KCNQ1: variants seen among roughly 807,000 people sequenced by gnomAD.
KCNQ1 encodes the protein potassium voltage-gated channel subfamily Q member 1.
In KCNQ1, 49 loss-of-function variants were observed where a neutral mutation model predicts 72.4. The ratio of observed to expected loss-of-function variants is 0.68; its 90% confidence interval spans 0.54 to 0.86. The LOEUF is 0.86. Among genes scored for constraint, KCNQ1 ranks in the 40% least tolerant of loss-of-function variants. The probability of loss-of-function intolerance (pLI) is 0.00; values close to 1 mark genes in which losing one functional copy is unlikely to be tolerated. For synonymous variants in KCNQ1, 450 were observed against 412.6 expected (o/e 1.09, Z -1.10); for missense variants, 790 against 945.1 (o/e 0.84, Z 2.15).
At chr11:2,476,989 C>T (rs1354674444) in intron 1 of KCNQ1, among the ~76,000 whole-genome samples, 1 of 152,176 alleles carries the variant, frequency 6.6e-6, no homozygotes, top group East Asian at 1.9e-4. Context: ...GCACCCAGCC[C>T]AGTTTTTAAT....
At chr11:2,692,230 C>T (rs1459591286) in intron 11 of KCNQ1, 4 of 398,900 alleles carry the variant, frequency 1.0e-5, no homozygotes, top group Non-Finnish European at 1.3e-5. Context: ...ACCACCTGCC[C>T]ATCACCTCAA....
chr11:2,831,347 G>A lies in KCNQ1; in HGVS notation c.1795-16420G>A, dbSNP rs553659086. Among the ~76,000 whole-genome samples the A allele has an allele frequency of 2.4e-4, 36 of 152,230 alleles. 1 individual carries two copies. In the South Asian group the frequency reaches 6.4e-3, roughly 27 times the overall value. On this transcript the variant is annotated intron_variant, in intron 15 of 15. Transcript: ENST00000155840. The stretch of plus-strand genomic sequence containing the variant: ...ATCAGGGGGTGCTTGGACCAGTGGC[G>A]GCTGGAAATAACCCATGAACAGGGG...
At chr11:2,753,987 A>G (rs763393963) in intron 11 of KCNQ1, among the ~76,000 whole-genome samples, 1 of 152,246 alleles carries the variant, frequency 6.6e-6, no homozygotes, top group Non-Finnish European at 1.5e-5. Flanking sequence ...GACCCAATTA[A>G]AAAATGGGCA....
rs925832188 is a variant in KCNQ1 at position 2,664,907 on chromosome 11, C to G, written c.1514+2826C>G. The G allele has an allele frequency of 2.5e-6, 1 of 398,528 alleles. No individual in the cohort carries two copies. Among genetic ancestry groups the G allele is most frequent in the Non-Finnish European group, 4.4e-6 (1 of 226,094 alleles). 24.7% of individuals were successfully genotyped at this position (398,528 alleles called of 1,614,324 possible). On this transcript the variant is annotated intron_variant, in intron 11 of 15. Transcript: ENST00000155840. The surrounding 1 kb of genome is among the most constrained non-coding windows in gnomAD (Gnocchi z 5.1). ...ATAAAGACACATTTTGTTTCCATCT[C>G]GAGCTCTCCCCGCCCGCAGGGCCCC...
At position 2,547,410 on chromosome 11, in the gene KCNQ1, T is replaced by C. The variant is rs944875683; in HGVS notation, c.477+19392T>C. Among the ~76,000 whole-genome samples, 13 of 152,024 alleles carry C rather than the reference T, an allele frequency of 8.6e-5. No homozygotes were observed. The highest frequency in any genetic ancestry group is 1.9e-4 in the Non-Finnish European group (13 of 67,992). ...CACACCTGGCTAATTTTTTTTGTAT[T>C]ATTAGTAGAGACGGCGTTTCACCAT... On this transcript the variant is annotated intron_variant, in intron 2 of 15. Transcript: ENST00000155840. This position sits in a 1 kb window ranked among gnomAD's most constrained non-coding sequence, Gnocchi z 4.2.
At chr11:2,589,398 G>T (rs927800560) in intron 10 of KCNQ1, among the ~76,000 whole-genome samples, 1 of 152,240 alleles carries the variant, frequency 6.6e-6, no homozygotes, top group Non-Finnish European at 1.5e-5. Flanking sequence ...CCCTGCAGCG[G>T]GGGCTGGGAT....
chr11:2,513,162 G>T (rs554953891), intron 1 of KCNQ1, among the ~76,000 whole-genome samples: 1 of 152,260 alleles, frequency 6.6e-6, no homozygotes, highest in East Asian at 1.9e-4. Context: ...TGATGTGAGT[G>T]CAGGGACTCC....
chr11:2,725,555 C>T lies in KCNQ1; in HGVS notation c.1515-43289C>T, dbSNP rs769917545. ...TTTAGGAAGTGCATTCACGTGAAGT[C>T]GCCAAGTTCAAAGGGCTGCCCCTGG... On this transcript the variant is annotated intron_variant, in intron 11 of 15. Transcript: ENST00000155840. The surrounding 1 kb of genome is among the most constrained non-coding windows in gnomAD (Gnocchi z 7.2). 6.2e-4 allele frequency among the ~76,000 whole-genome samples: 95 copies of T among 152,312 alleles called. No homozygotes were observed. Among genetic ancestry groups the T allele is most frequent in the African/African-American group, 1.9e-3 (79 of 41,568 alleles).
chr11:2,822,232 G>A (rs934498470), intron 15 of KCNQ1, among the ~76,000 whole-genome samples: 39 of 152,288 alleles, frequency 2.6e-4, no homozygotes, highest in African/African-American at 3.9e-4. Flanking sequence ...TTGTTAGCCC[G>A]GTGAGACTCC....
At chr11:2,732,501 C>T (rs1845872484) in intron 11 of KCNQ1, among the ~76,000 whole-genome samples, 1 of 152,210 alleles carries the variant, frequency 6.6e-6, no homozygotes, top group African/African-American at 2.4e-5. Flanking sequence ...ACCTTCTCTC[C>T]CCGTGCCAAG....
intron 11 of KCNQ1, chr11:2,684,977 T>C: frequency 2.5e-6 from 1 of 398,680 alleles, no homozygotes; most frequent in Non-Finnish European, 4.4e-6. Flanking sequence ...GGCTTCCAAT[T>C]TTACGGACTG....
chr11:2,607,682 TTGTTA>T (rs1848903727), intron 10 of KCNQ1, among the ~76,000 whole-genome samples: 1 of 152,244 alleles, frequency 6.6e-6, no homozygotes, highest in South Asian at 2.1e-4. Context: ...TCGTGATACT[TTGTTA>T]TAACAGTCTG....
chr11:2,527,307 C>T (rs905212848), intron 1 of KCNQ1, among the ~76,000 whole-genome samples: 6 of 152,204 alleles, frequency 3.9e-5, no homozygotes, highest in Admixed American at 6.5e-5. Context: ...TCAGGACCCC[C>T]ACCTGGCGGG....
chr11:2,498,881 C>T lies in KCNQ1; in HGVS notation c.387-29047C>T, dbSNP rs755766414. Reference sequence around the variant, plus strand: ...CATGGGAAAAGCATAGTATCCAGGCCGGGTATCACAGTCCCGGGTATCACA... The same window carrying T: ...CATGGGAAAAGCATAGTATCCAGGCTGGGTATCACAGTCCCGGGTATCACA... On this transcript the variant is annotated intron_variant, in intron 1 of 15. Coordinates refer to ENST00000155840, the MANE Select transcript of KCNQ1 (RefSeq NM_000218.3). The surrounding 1 kb of genome is among the most constrained non-coding windows in gnomAD (Gnocchi z 4.8). Among the ~76,000 whole-genome samples, 10 of 152,222 alleles carry T rather than the reference C, an allele frequency of 6.6e-5. No individual in the cohort carries two copies. The highest frequency in any genetic ancestry group is 1.9e-4 in the East Asian group (1 of 5,198).
rs1848627642 is a variant in KCNQ1 at position 2,588,655 on chromosome 11, C to T, written c.1252-58C>T. The T allele has an allele frequency of 7.5e-6, 12 of 1,604,016 alleles. No individual in the cohort carries two copies. Among genetic ancestry groups the T allele is most frequent in the Non-Finnish European group, 8.5e-6 (10 of 1,175,500 alleles). On this transcript the variant is annotated intron_variant, in intron 9 of 15. Transcript: ENST00000155840. The surrounding 1 kb of genome is among the most constrained non-coding windows in gnomAD (Gnocchi z 5.6). ...GGCTGCACAGGCACTCTGGGGCCGG[C>T]GTAGGGCCTGGCAGACGATGTCCAG...
At chr11:2,465,979 A>G (rs926980485) in intron 1 of KCNQ1, among the ~76,000 whole-genome samples, 1 of 152,010 alleles carries the variant, frequency 6.6e-6, no homozygotes, top group South Asian at 2.1e-4. Flanking sequence ...GAGCTTGGTG[A>G]CGGCTCAGGT....
In KCNQ1 at chr11:2,713,466, T is replaced by G. The variant is rs1454015363; in HGVS notation, c.1514+51385T>G. Reference sequence around the variant, plus strand: ...AGATTCCAGAACAAGTCACAGCCATTGTAGATTTTGATTAATCGCCATCCC... The same window carrying G: ...AGATTCCAGAACAAGTCACAGCCATGGTAGATTTTGATTAATCGCCATCCC... On this transcript the variant is annotated intron_variant, in intron 11 of 15. Coordinates refer to ENST00000155840, the MANE Select transcript of KCNQ1 (RefSeq NM_000218.3). This position sits in a 1 kb window ranked among gnomAD's most constrained non-coding sequence, Gnocchi z 5.6. Among the ~76,000 whole-genome samples, 2 of 152,214 alleles carry G rather than the reference T, an allele frequency of 1.3e-5. No individual in the cohort carries two copies. The highest frequency in any genetic ancestry group is 4.8e-5 in the African/African-American group (2 of 41,456).
rs1047132908 is a variant in KCNQ1 at position 2,817,905 on chromosome 11, T to C, written c.1795-29862T>C. Among the ~76,000 whole-genome samples the C allele has an allele frequency of 2.0e-5, 3 of 152,064 alleles. No individual in the cohort carries two copies. Among genetic ancestry groups the C allele is most frequent in the Non-Finnish European group, 4.4e-5 (3 of 68,010 alleles). Reference sequence around the variant, plus strand: ...GCACCTACCAGCTTTGCGCAAATGCTCCACATTTGCATTTTAAAAGCCCTG... The same window carrying C: ...GCACCTACCAGCTTTGCGCAAATGCCCCACATTTGCATTTTAAAAGCCCTG... On this transcript the variant is annotated intron_variant, in intron 15 of 15. Transcript: ENST00000155840. This position sits in a 1 kb window ranked among gnomAD's most constrained non-coding sequence, Gnocchi z 6.1.
chr11:2,765,329 A>G (rs935859367), intron 11 of KCNQ1, among the ~76,000 whole-genome samples: 1 of 152,204 alleles, frequency 6.6e-6, no homozygotes, highest in African/African-American at 2.4e-5. Flanking sequence ...ATGGATTTCT[A>G]ATTTAATTGT....
Sources: gnomAD v4.1 joint callset for allele counts (sites outside exome capture counted in the v4.1 genomes callset) on GRCh38, gnomAD v4.1.1 for gene constraint, Gnocchi (gnomAD v3.1) non-coding constraint, MANE v1.5 for transcripts, NCBI Gene and HGNC (gene_info 2026-07-23, HGNC 2026-07-21) for gene names.